The following TRAPPC9 variants were observed in gnomAD, a reference collection of about 807,000 sequenced individuals.
The protein encoded by TRAPPC9 is trafficking protein particle complex subunit 9, also known as IKK2 binding protein.
In TRAPPC9, 83 loss-of-function variants were observed where a neutral mutation model predicts 124.0. The ratio of observed to expected loss-of-function variants is 0.67; its 90% CI spans 0.56 to 0.80. The LOEUF is 0.80. TRAPPC9 is among the 30% of genes least tolerant of loss of function. The pLI is 0.00. For missense variants in TRAPPC9, 1,302 were observed against 1,508.3 expected (o/e 0.86, Z 2.27); for synonymous variants, 638 against 617.5 (o/e 1.03, Z -0.49).
intron 2 of TRAPPC9, among the ~76,000 whole-genome samples, chr8:140,440,106 C>G (rs1005611465): frequency 6.6e-6 from 1 of 152,172 alleles, no homozygotes; most frequent in Non-Finnish European, 1.5e-5. Context: ...AAGATCACAA[C>G]GTAAGGCAGA....
rs950439567 is a variant in TRAPPC9 at position 139,788,679 on chromosome 8, C to T, written c.3056-56477G>A. On this transcript the variant is annotated intron_variant, in intron 21 of 22. Transcript: ENST00000438773. The surrounding 1 kb of genome is among the most constrained non-coding windows in gnomAD (Gnocchi z 4.9). ...CTTTGTTCTCCCACCTCCCTCCTGACGGCCACGCAGAGTCGAGTTACCATC... is the reference window on the plus strand; with the variant it reads ...CTTTGTTCTCCCACCTCCCTCCTGATGGCCACGCAGAGTCGAGTTACCATC... Among the ~76,000 whole-genome samples the T allele has an allele frequency of 1.3e-5, 2 of 152,212 alleles. No homozygotes were observed. The highest frequency in any genetic ancestry group is 2.9e-5 in the Non-Finnish European group (2 of 68,046).
At chr8:139,930,601 C>A (rs1457604197) in intron 19 of TRAPPC9, among the ~76,000 whole-genome samples, 1 of 152,218 alleles carries the variant, frequency 6.6e-6, no homozygotes, top group Non-Finnish European at 1.5e-5. Flanking sequence ...TATTCAAAGG[C>A]CATCTTGATC....
intron 21 of TRAPPC9, among the ~76,000 whole-genome samples, chr8:139,854,531 C>T (rs1298652570): frequency 6.6e-6 from 1 of 152,220 alleles, no homozygotes. Context: ...GTAAGGGCAG[C>T]CCATCAGCCA....
intron 17 of TRAPPC9, among the ~76,000 whole-genome samples, chr8:140,031,441 A>G (rs1161027251): frequency 1.3e-5 from 2 of 152,274 alleles, no homozygotes; most frequent in African/African-American, 4.8e-5. Context: ...TATGTATGCT[A>G]GCCAACTTAA....
At chr8:139,950,384 C>T (rs578174034) in intron 19 of TRAPPC9, among the ~76,000 whole-genome samples, 4 of 152,332 alleles carry the variant, frequency 2.6e-5, no homozygotes, top group East Asian at 3.9e-4. Context: ...CAATGGTTCT[C>T]GCGAATTCAA....
At position 139,728,284 on chromosome 8, in the gene TRAPPC9, C is replaced by T. The variant is rs1817651621; in HGVS notation, c.*2777G>A. 6.6e-6 allele frequency among the ~76,000 whole-genome samples: 1 copy of T among 152,164 alleles called. No homozygotes were observed. The highest frequency in any genetic ancestry group is 1.5e-5 in the Non-Finnish European group (1 of 68,024). ...TATGGGGTCACCGGGCCTGTCCTGGCCCTGAGGGACCAAGGATCAGAAGGG... is the reference window on the plus strand; with the variant it reads ...TATGGGGTCACCGGGCCTGTCCTGGTCCTGAGGGACCAAGGATCAGAAGGG... On this transcript the variant is annotated 3_prime_UTR_variant, in exon 23 of 23. Transcript: ENST00000438773.
At chr8:139,905,013 A>G (rs1421630118) in intron 20 of TRAPPC9, 1 of 152,256 alleles carries the variant, frequency 6.6e-6, no homozygotes, top group African/African-American at 2.4e-5. Context: ...AGGTTTCCCA[A>G]GTTCAGTAAA....
chr8:140,263,403 G>A (rs1288684777), intron 15 of TRAPPC9, among the ~76,000 whole-genome samples: 1 of 152,178 alleles, frequency 6.6e-6, no homozygotes, highest in African/African-American at 2.4e-5. Context: ...AAGAAAGAAA[G>A]GGAAGGAAAA....
In TRAPPC9 at chr8:140,104,961, G is replaced by A. The variant is rs954678632; in HGVS notation, c.2557-80882C>T. On this transcript the variant is annotated intron_variant, in intron 17 of 22. Coordinates refer to ENST00000438773, the MANE Select transcript of TRAPPC9 (RefSeq NM_001160372.4). This position sits in a 1 kb window ranked among gnomAD's most constrained non-coding sequence, Gnocchi z 4.0. ...TGTCATCCATGCTGCATCGTGGCAGGGTCCCACTCAGCAGCAGCCCTGACT... is the reference window on the plus strand; with the variant it reads ...TGTCATCCATGCTGCATCGTGGCAGAGTCCCACTCAGCAGCAGCCCTGACT... Among the ~76,000 whole-genome samples, 1 of 152,164 alleles carries A rather than the reference G, an allele frequency of 6.6e-6. No individual in the cohort carries two copies. The highest frequency in any genetic ancestry group is 2.4e-5 in the African/African-American group (1 of 41,426).
chr8:139,827,074 C>A (rs1489200628), intron 21 of TRAPPC9, among the ~76,000 whole-genome samples: 3 of 152,228 alleles, frequency 2.0e-5, no homozygotes, highest in Non-Finnish European at 2.9e-5. Flanking sequence ...CAGGTGGAAA[C>A]CCTTGCAGGA....
intron 17 of TRAPPC9, among the ~76,000 whole-genome samples, chr8:140,103,370 C>T (rs1318830221): frequency 6.6e-6 from 1 of 152,180 alleles, no homozygotes; most frequent in African/African-American, 2.4e-5. Context: ...ACAGAGCTCA[C>T]GTGAGGCAGC....
chr8:139,985,786 G>C (rs1478016756), intron 19 of TRAPPC9, among the ~76,000 whole-genome samples: 2 of 152,156 alleles, frequency 1.3e-5, no homozygotes, highest in African/African-American at 4.8e-5. Flanking sequence ...CCACCTCACA[G>C]TGAGTGCATT....
chr8:140,000,208 T>A (rs1050795675), intron 18 of TRAPPC9, among the ~76,000 whole-genome samples: 1 of 152,182 alleles, frequency 6.6e-6, no homozygotes, highest in Non-Finnish European at 1.5e-5. Flanking sequence ...GATCCCTTCC[T>A]TACACTGTAT....
At chr8:140,424,437 A>C (rs1313181588) in intron 5 of TRAPPC9, among the ~76,000 whole-genome samples, 1 of 152,002 alleles carries the variant, frequency 6.6e-6, no homozygotes, top group African/African-American at 2.4e-5. Flanking sequence ...GGCCAGGACC[A>C]GCTGGGTCAA....
intron 5 of TRAPPC9, among the ~76,000 whole-genome samples, chr8:140,410,038 G>A (rs1004489525): frequency 3.3e-5 from 5 of 151,678 alleles, no homozygotes; most frequent in Non-Finnish European, 5.9e-5. Context: ...CTACTTGGGA[G>A]GCTGAGGCAG....
intron 21 of TRAPPC9, among the ~76,000 whole-genome samples, chr8:139,792,758 G>A (rs1428593896): frequency 4.6e-5 from 7 of 152,376 alleles, no homozygotes; most frequent in African/African-American, 7.2e-5. Context: ...CACGGCCGGC[G>A]AGGGATGGGC....
intron 2 of TRAPPC9, among the ~76,000 whole-genome samples, chr8:140,449,067 C>CAG (rs1324197569): frequency 3.3e-5 from 5 of 152,168 alleles, no homozygotes; most frequent in African/African-American, 9.7e-5. Flanking sequence ...TGCAAAGCAC[C>CAG]ACAGGCAGGT....
At chr8:140,388,689 A>C (rs926901412) in intron 7 of TRAPPC9, among the ~76,000 whole-genome samples, 4 of 151,776 alleles carry the variant, frequency 2.6e-5, no homozygotes, top group Non-Finnish European at 5.9e-5. Flanking sequence ...CTCAAAAAAA[A>C]ATACAAAAAT....
intron 20 of TRAPPC9, among the ~76,000 whole-genome samples, chr8:139,888,460 TTAAG>T (rs1460608834): frequency 1.3e-5 from 2 of 152,132 alleles, no homozygotes; most frequent in South Asian, 2.1e-4. Context: ...GTGGGTAGCA[TTAAG>T]TAAGTGTCAC....
Sources: gnomAD v4.1 joint callset for allele counts (sites outside exome capture counted in the v4.1 genomes callset) on GRCh38, gnomAD v4.1.1 for gene constraint, Gnocchi (gnomAD v3.1) non-coding constraint, MANE v1.5 for transcripts, NCBI Gene and HGNC (gene_info 2026-07-23, HGNC 2026-07-21) for gene names.